Variants in ARSF observed in about 807,000 individuals in gnomAD.
The protein encoded by ARSF is arylsulfatase F.
A neutral mutation model predicts 35.4 loss-of-function variants in ARSF; 33 were observed. That is an observed-to-expected ratio of 0.93 (90% confidence interval 0.71 to 1.25). ARSF has a LOEUF of 1.25. Among genes scored for constraint, ARSF ranks in the 50% most tolerant of loss-of-function variants. ARSF has a pLI of 0.00. For missense variants in ARSF, 501 were observed against 480.2 expected, an observed-to-expected ratio of 1.04 and a Z score of -0.40; for synonymous variants, 222 against 193.1, an observed-to-expected ratio of 1.15 and a Z score of -1.24.
chrX:3,082,786 C>G (rs2090212015), intron 5 of ARSF, among the ~76,000 whole-genome samples: 1 of 111,149 alleles, frequency 9.0e-6, no homozygotes, highest in Non-Finnish European at 1.9e-5. Flanking sequence ...GATGCATACT[C>G]CATAATTTAT....
chrX:3,058,607 C>T (rs751903441), intron 1 of ARSF: 35 of 325,650 alleles, frequency 1.1e-4, no homozygotes, highest in South Asian at 8.6e-4. Flanking sequence ...AATCACAGTG[C>T]TTCATGAGGC....
In ARSF at chrX:3,112,233, G is replaced by A. The variant is rs756193031; in HGVS notation, c.1450G>A (p.Gly484Ser). The change falls in exon 11 of 11, where the codon GGC (glycine) becomes AGC (serine). Residue 484 changes from glycine to serine, a missense_variant. Physicochemically the swap from Gly to Ser is moderately conservative, Grantham distance 56 (BLOSUM62 0). Transcript: ENST00000381127. ...GGTATTCCAGCCACCAGCTTCTGGT[G>A]GCTGCTATGTCACCTCATTATGCAG... ...TPVFQPPASG[G>S]CYVTSLCRCF... The A allele has an allele frequency of 5.0e-6, 6 of 1,208,248 alleles. No homozygotes were observed. The highest frequency in any genetic ancestry group is 5.9e-5 in the East Asian group (2 of 33,712).
intron 3 of ARSF, among the ~76,000 whole-genome samples, chrX:3,072,687 A>G (rs1419631220): frequency 1.8e-5 from 2 of 110,658 alleles, no homozygotes; most frequent in Non-Finnish European, 3.8e-5. Flanking sequence ...TACCTAACAC[A>G]CAACTACCCT....
chrX:3,078,496 G>A (rs1409711983), intron 4 of ARSF, among the ~76,000 whole-genome samples: 7 of 110,722 alleles, frequency 6.3e-5, no homozygotes. Context: ...GACTTTTTTT[G>A]TTTGTTTGGT....
At position 3,103,708 on chromosome X, in the gene ARSF, C is replaced by G. The variant is rs774824320; in HGVS notation, c.1103-54C>G. 5.1e-6 allele frequency: 6 copies of G among 1,165,523 alleles called. No homozygotes were observed. In the East Asian group the frequency reaches 1.5e-4, roughly 29 times the overall value. The stretch of plus-strand genomic sequence containing the variant: ...GCTTACCTTTTAAATACATTCAATA[C>G]AGTGACTATTTTAACTAGGCACAAT... On this transcript the variant is annotated intron_variant, in intron 8 of 10. Coordinates refer to ENST00000381127, the MANE Select transcript of ARSF (RefSeq NM_001201539.2).
At chrX:3,081,482 G>A (rs369935357) in intron 5 of ARSF, among the ~76,000 whole-genome samples, 1 of 110,595 alleles carries the variant, frequency 9.0e-6, no homozygotes, top group East Asian at 2.9e-4. Flanking sequence ...GACTACAGGC[G>A]CGTGCCACCA....
chrX:3,060,176 G>A (rs1406419338), intron 1 of ARSF, among the ~76,000 whole-genome samples: 1 of 112,227 alleles, frequency 8.9e-6, no homozygotes. Context: ...AACAGGGTCT[G>A]GAGTGGACCT....
chrX:3,099,893 G>T (rs2090363890), intron 7 of ARSF, among the ~76,000 whole-genome samples: 2 of 111,570 alleles, frequency 1.8e-5, no homozygotes, highest in African/African-American at 6.5e-5. Flanking sequence ...TTACTTGTGT[G>T]CCTTGGCTCT....
intron 1 of ARSF, among the ~76,000 whole-genome samples, chrX:3,063,614 A>T: frequency 8.9e-6 from 1 of 112,095 alleles, no homozygotes; most frequent in Non-Finnish European, 1.9e-5. Flanking sequence ...AAGTCTCAGG[A>T]TACAAAATCA....
At chrX:3,047,788 C>A (rs1230871851) in intron 1 of ARSF, among the ~76,000 whole-genome samples, 2 of 110,799 alleles carry the variant, frequency 1.8e-5, no homozygotes, top group Non-Finnish European at 3.8e-5. Context: ...TATTCACCAG[C>A]TGAATATGCC....
chrX:3,102,937 A>G (rs1308960101), intron 8 of ARSF, among the ~76,000 whole-genome samples: 1 of 111,271 alleles, frequency 9.0e-6, no homozygotes, highest in Non-Finnish European at 1.9e-5. Context: ...ACTTTTCAGC[A>G]TGCCATGACA....
chrX:3,081,035 T>C (rs1324088929), intron 5 of ARSF, 22 bp downstream of exon 5: 5 of 1,205,060 alleles, frequency 4.1e-6, no homozygotes, highest in Non-Finnish European at 5.6e-6. Context: ...GAATTGGTGT[T>C]AGTCATTGAT....
intron 1 of ARSF, among the ~76,000 whole-genome samples, chrX:3,044,944 A>G (rs2089968934): frequency 9.1e-6 from 1 of 109,540 alleles, no homozygotes; most frequent in Non-Finnish European, 1.9e-5. Flanking sequence ...TATCAATGTT[A>G]GATTAAATTA....
intron 1 of ARSF, among the ~76,000 whole-genome samples, chrX:3,053,328 CTTTT>C (rs762769881): frequency 0.014 from 1,322 of 92,975 alleles, 34 homozygotes; most frequent in African/African-American, 0.047. Context: ...GTATCCACAA[CTTTT>C]TTTTTTTTTT....
rs573237918 is a variant in ARSF at position 3,080,885 on chromosome X, A to C, written c.284-6A>C. On this transcript the variant is annotated splice_region_variant and splice_polypyrimidine_tract_variant and intron_variant, in intron 4 of 10. Transcript: ENST00000381127. ...CTCATTGTACTTTTTTCCACACTAC[A>C]TCTAGGTATGGTTTCTAGTGGTAAT... The C allele has an allele frequency of 5.5e-5, 66 of 1,209,174 alleles. No individual in the cohort carries two copies. The highest frequency in any genetic ancestry group is 4.6e-4 in the Middle Eastern group (2 of 4,346).
At chrX:3,086,892 A>T (rs1038488527) in intron 6 of ARSF, among the ~76,000 whole-genome samples, 3 of 112,059 alleles carry the variant, frequency 2.7e-5, no homozygotes, top group Non-Finnish European at 5.6e-5. Flanking sequence ...TTCTTGAGGT[A>T]AGAAATCCAA....
At position 3,076,605 on chromosome X, in the gene ARSF, T is replaced by C. The variant is rs759095127; in HGVS notation, c.219T>C (p.Ser73=). 1 of 1,210,937 alleles carries C rather than the reference T, an allele frequency of 8.3e-7. No homozygotes were observed. The change falls in exon 4 of 11, where the codon TCT becomes TCC. Residue 73 remains serine, a synonymous_variant. Coordinates refer to ENST00000381127, the MANE Select transcript of ARSF (RefSeq NM_001201539.2). The part of the protein sequence containing the change: ...REGVRLTQHI[S]AASLCSPSRS... ...GCGTGCGACTGACTCAGCACATCTC[T>C]GCCGCCTCCCTCTGCAGCCCAAGCC...
intron 1 of ARSF, among the ~76,000 whole-genome samples, chrX:3,065,479 GA>G (rs756398315): frequency 2.8e-5 from 3 of 107,430 alleles, no homozygotes; most frequent in Admixed American, 1.0e-4. Flanking sequence ...AAAATCAGGA[GA>G]AAAAAAATTG....
chrX:3,074,221 T>C (rs2090130217), intron 3 of ARSF, among the ~76,000 whole-genome samples: 1 of 111,179 alleles, frequency 9.0e-6, no homozygotes, highest in Non-Finnish European at 1.9e-5. Flanking sequence ...GTATCGGTGT[T>C]TTGCTGAAAA....
Sources: allele counts gnomAD v4.1 joint callset (sites outside exome capture counted in the v4.1 genomes callset), GRCh38; gene constraint gnomAD v4.1.1; transcripts MANE v1.5; gene names NCBI Gene and HGNC (gene_info 2026-07-23, HGNC 2026-07-21).